The following DYRK1A variants were observed in gnomAD, a reference collection of about 807,000 sequenced individuals.
The protein encoded by DYRK1A is dual specificity tyrosine-phosphorylation-regulated kinase 1A.
Under a neutral mutation model 79.7 loss-of-function variants are expected in DYRK1A, and 9 were observed. The ratio of observed to expected loss-of-function variants is 0.11; its 90% CI spans 0.07 to 0.20. The LOEUF (loss-of-function observed/expected upper bound fraction) is 0.20. Ranked by LOEUF, DYRK1A falls within the 10% of genes least tolerant of loss-of-function variation. DYRK1A has a pLI of 1.00. For synonymous variants in DYRK1A, 349 were observed against 329.7 expected (o/e 1.06, Z -0.63); for missense variants, 622 against 956.0 (o/e 0.65, Z 4.61).
chr21:37,460,901 CTG>C (rs2051817326), intron 2 of DYRK1A, among the ~76,000 whole-genome samples: 1 of 152,094 alleles, frequency 6.6e-6, no homozygotes, highest in African/African-American at 2.4e-5. Context: ...ATGTTATCCT[CTG>C]TACAATATGA....
chr21:37,453,802 A>G (rs903035891), intron 2 of DYRK1A, among the ~76,000 whole-genome samples: 4 of 152,196 alleles, frequency 2.6e-5, no homozygotes, highest in African/African-American at 9.7e-5. Flanking sequence ...AAAAGAAAGG[A>G]AAATAAAAGC....
intron 2 of DYRK1A, among the ~76,000 whole-genome samples, chr21:37,421,412 G>C (rs2050472081): frequency 6.6e-6 from 1 of 152,004 alleles, no homozygotes; most frequent in Admixed American, 6.6e-5. Context: ...ATGAAGAAAT[G>C]TGCTTGAATA....
intron 2 of DYRK1A, among the ~76,000 whole-genome samples, chr21:37,431,949 A>G (rs1254298398): frequency 3.3e-5 from 5 of 152,220 alleles, no homozygotes; most frequent in Non-Finnish European, 4.4e-5. Context: ...GAAAGGTGAC[A>G]CTTACTGTAC....
intron 2 of DYRK1A, among the ~76,000 whole-genome samples, chr21:37,458,430 G>A (rs577622903): frequency 6.6e-6 from 1 of 152,152 alleles, no homozygotes; most frequent in African/African-American, 2.4e-5. Context: ...TTTCTTTTAA[G>A]CTCTAAACAG....
chr21:37,435,765 C>T (rs578085837), intron 2 of DYRK1A, among the ~76,000 whole-genome samples: 10 of 152,112 alleles, frequency 6.6e-5, no homozygotes, highest in Non-Finnish European at 1.2e-4. Flanking sequence ...TAAAATGTTG[C>T]AAGCTTTTGG....
At chr21:37,482,868 C>T (rs1006352904) in intron 5 of DYRK1A, among the ~76,000 whole-genome samples, 1 of 152,188 alleles carries the variant, frequency 6.6e-6, no homozygotes, top group African/African-American at 2.4e-5. Flanking sequence ...CTCCCATTTG[C>T]TTTTGAAAGA....
intron 8 of DYRK1A, 94 bp downstream of exon 8, chr21:37,493,257 G>A (rs2053157289): frequency 7.9e-7 from 1 of 1,264,326 alleles, no homozygotes; most frequent in East Asian, 2.4e-5. Context: ...TTTAGGCAAA[G>A]ATGTCTACTT....
chr21:37,488,635 A>G (rs1313766435), intron 6 of DYRK1A: 2 of 985,276 alleles, frequency 2.0e-6, no homozygotes, highest in East Asian at 1.1e-4. Context: ...TTTCTTTGAC[A>G]ATGTCTTTAG....
Position 37,458,048 on chromosome 21 carries a change from CTG to C in DYRK1A, c.11-14630_11-14629del, listed in dbSNP as rs556142007. 7.9e-5 allele frequency among the ~76,000 whole-genome samples: 12 copies of C among 152,334 alleles called. No homozygotes were observed. In the South Asian group the frequency reaches 2.3e-3, roughly 29 times the overall value. On this transcript the variant is annotated intron_variant, in intron 2 of 11. Coordinates refer to ENST00000647188, the MANE Select transcript of DYRK1A (RefSeq NM_001347721.2). ...GCCTGTGTTGTATTCCTGGCCGCCT[CTG>C]TGTGTTCTGACCCTGCTCCTCTAGA...
chr21:37,467,520 A>G (rs1480465590), intron 2 of DYRK1A, among the ~76,000 whole-genome samples: 2 of 152,246 alleles, frequency 1.3e-5, no homozygotes, highest in East Asian at 1.9e-4. Flanking sequence ...GGGAACCACC[A>G]TGCTTGGCTC....
chr21:37,451,867 TC>T (rs2051463893), intron 2 of DYRK1A, among the ~76,000 whole-genome samples: 1 of 152,174 alleles, frequency 6.6e-6, no homozygotes, highest in Non-Finnish European at 1.5e-5. Context: ...TGACATTTGA[TC>T]CTGGGTCTTG....
intron 2 of DYRK1A, among the ~76,000 whole-genome samples, chr21:37,439,757 G>A (rs1293425582): frequency 6.6e-6 from 1 of 152,150 alleles, no homozygotes; most frequent in Non-Finnish European, 1.5e-5. Flanking sequence ...TATCAGATTG[G>A]GAAAGATACC....
chr21:37,401,468 G>A (rs1359431687), intron 1 of DYRK1A, among the ~76,000 whole-genome samples: 3 of 141,174 alleles, frequency 2.1e-5, no homozygotes, highest in Non-Finnish European at 4.6e-5. Context: ...AGATAGTCTT[G>A]TTATTTCTAG....
chr21:37,374,753 C>G (rs2049503436), intron 1 of DYRK1A, among the ~76,000 whole-genome samples: 1 of 152,094 alleles, frequency 6.6e-6, no homozygotes, highest in African/African-American at 2.4e-5. Context: ...CGGGGTTTCA[C>G]TGTGTTAGCC....
intron 7 of DYRK1A, among the ~76,000 whole-genome samples, chr21:37,490,991 T>C (rs1202194358): frequency 6.6e-6 from 1 of 152,124 alleles, no homozygotes; most frequent in Non-Finnish European, 1.5e-5. Context: ...ATCTTTTTTC[T>C]CAAAAACTGA....
chr21:37,464,139 T>C (rs73903989), intron 2 of DYRK1A: 11,447 of 248,566 alleles, frequency 0.046, 1,370 homozygotes, highest in African/African-American at 0.25. Context: ...TTTTTACTTT[T>C]TTGTTTTTAA....
chr21:37,450,485 T>A (rs2051410989), intron 2 of DYRK1A, among the ~76,000 whole-genome samples: 1 of 152,206 alleles, frequency 6.6e-6, no homozygotes, highest in African/African-American at 2.4e-5. Context: ...TCTGACAGTG[T>A]CTGTTCATTT....
At position 37,490,570 on chromosome 21, in the gene DYRK1A, G is replaced by C. The variant is rs1032789868; in HGVS notation, c.924+109G>C. 1.8e-5 allele frequency: 12 copies of C among 668,696 alleles called. No individual in the cohort carries two copies. In the African/African-American group the frequency reaches 2.0e-4, roughly 11 times the overall value. 41.4% of individuals were successfully genotyped at this position (668,696 alleles called of 1,614,324 possible). A position where few individuals can be genotyped will look rare whatever the true frequency, so the allele number is the denominator to read the frequency against. ...AGTAATTGCGGTTTTCGCCATTGCA[G>C]TTGCTGTTTTTGCAGTGGCAAAAAC... is the stretch of plus-strand genomic sequence containing the variant. On this transcript the variant is annotated intron_variant, in intron 7 of 11. Coordinates refer to ENST00000647188, the MANE Select transcript of DYRK1A (RefSeq NM_001347721.2).
chr21:37,411,363 ACC>A (rs1303215253), intron 1 of DYRK1A, among the ~76,000 whole-genome samples: 1 of 129,380 alleles, frequency 7.7e-6, no homozygotes, highest in Admixed American at 7.8e-5. Context: ...CTCCCCCCCA[ACC>A]CCCTCCCCCC....
Sources: allele counts gnomAD v4.1 joint callset (sites outside exome capture counted in the v4.1 genomes callset), GRCh38; gene constraint gnomAD v4.1.1; transcripts MANE v1.5; gene names NCBI Gene and HGNC (gene_info 2026-07-23, HGNC 2026-07-21).